The following RPS6KA2 variants were observed in gnomAD, a reference collection of about 807,000 sequenced individuals.
The protein encoded by RPS6KA2 is ribosomal protein S6 kinase A2.
In RPS6KA2, 42 loss-of-function variants were observed where a neutral mutation model predicts 91.8. The ratio of observed to expected loss-of-function variants is 0.46; its 90% CI spans 0.36 to 0.59. The LOEUF (loss-of-function observed/expected upper bound fraction) is 0.59, where lower values mean the gene tolerates loss of function less well. Among genes scored for constraint, RPS6KA2 ranks in the 20% least tolerant of loss-of-function variants. The pLI, the probability that RPS6KA2 is intolerant of heterozygous loss-of-function variation, is 0.00. For synonymous variants in RPS6KA2, 414 were observed against 393.6 expected, an observed-to-expected ratio of 1.05 and a Z score of -0.61; for missense variants, 798 against 978.5, an observed-to-expected ratio of 0.82 and a Z score of 2.46.
intron 8 of RPS6KA2, among the ~76,000 whole-genome samples, chr6:166,497,692 A>G (rs1329454185): frequency 6.6e-6 from 1 of 152,206 alleles, no homozygotes; most frequent in Non-Finnish European, 1.5e-5. Flanking sequence ...CAAGGGGACG[A>G]GGAGTAGGGT....
At chr6:166,640,244 A>G (rs2128549552) in intron 2 of RPS6KA2, among the ~76,000 whole-genome samples, 1 of 152,306 alleles carries the variant, frequency 6.6e-6, no homozygotes, top group Non-Finnish European at 1.5e-5. Flanking sequence ...ATCATAGAAA[A>G]ATTTCTCAAG....
intron 2 of RPS6KA2, among the ~76,000 whole-genome samples, chr6:166,841,166 G>A (rs1036748566): frequency 6.6e-6 from 1 of 152,034 alleles, no homozygotes; most frequent in African/African-American, 2.4e-5. Flanking sequence ...AGGAGGCTGA[G>A]GCAGGAGGAT....
chr6:166,469,506 C>A (rs763353190), intron 11 of RPS6KA2, among the ~76,000 whole-genome samples: 2 of 152,040 alleles, frequency 1.3e-5, no homozygotes, highest in Non-Finnish European at 2.9e-5. Flanking sequence ...ACTCCTGGAG[C>A]AATCGGGAAT....
At chr6:166,777,492 C>T (rs1583106170) in intron 2 of RPS6KA2, among the ~76,000 whole-genome samples, 1 of 152,260 alleles carries the variant, frequency 6.6e-6, no homozygotes, top group East Asian at 1.9e-4. Context: ...CCAGGCAGCG[C>T]CACTCTGCAC....
intron 2 of RPS6KA2, among the ~76,000 whole-genome samples, chr6:166,638,273 C>T (rs1582972499): frequency 6.6e-6 from 1 of 152,382 alleles, no homozygotes; most frequent in East Asian, 1.9e-4. Flanking sequence ...GTCAGGAGCA[C>T]AGCCCGAAAG....
intron 16 of RPS6KA2, among the ~76,000 whole-genome samples, chr6:166,428,888 G>A (rs1228161241): frequency 2.1e-4 from 32 of 150,704 alleles, no homozygotes; most frequent in Non-Finnish European, 4.3e-4. Flanking sequence ...CGATTCCTCA[G>A]GGATCTAGAA....
chr6:166,838,020 G>A (rs113001012), intron 2 of RPS6KA2, among the ~76,000 whole-genome samples: 20 of 152,338 alleles, frequency 1.3e-4, no homozygotes, highest in African/African-American at 4.3e-4. Flanking sequence ...TAAACGCAAC[G>A]CAGGCTCTGC....
intron 2 of RPS6KA2, among the ~76,000 whole-genome samples, chr6:166,762,144 T>C (rs1778190444): frequency 6.6e-6 from 1 of 152,118 alleles, no homozygotes; most frequent in African/African-American, 2.4e-5. Context: ...AGGTACTGGT[T>C]TCACCAAAAG....
chr6:166,635,582 G>A lies in RPS6KA2; in HGVS notation c.124-96798C>T, dbSNP rs1230647116. Among the ~76,000 whole-genome samples the A allele has an allele frequency of 6.6e-6, 1 of 152,252 alleles. No homozygotes were observed. Among genetic ancestry groups the A allele is most frequent in the African/African-American group, 2.4e-5 (1 of 41,462 alleles). On this transcript the variant is annotated intron_variant, in intron 2 of 21. Coordinates refer to the RPS6KA2 transcript ENST00000503859. The surrounding 1 kb of genome is among the most constrained non-coding windows in gnomAD (Gnocchi z 4.8). Reference sequence around the variant, plus strand: ...TCCTGAGGAGGTTCATTTGGCTGCTGTGTGAGGGTGTGTTGGAGTGGGGAC... The same window carrying A: ...TCCTGAGGAGGTTCATTTGGCTGCTATGTGAGGGTGTGTTGGAGTGGGGAC...
At chr6:166,578,343 A>C (rs1353283699) in intron 1 of RPS6KA2, among the ~76,000 whole-genome samples, 1 of 152,084 alleles carries the variant, frequency 6.6e-6, no homozygotes. Flanking sequence ...TGGCCCTAGG[A>C]AGTAGTGGGA....
chr6:166,736,876 C>T (rs1017929750), intron 2 of RPS6KA2, among the ~76,000 whole-genome samples: 3 of 152,128 alleles, frequency 2.0e-5, no homozygotes, highest in African/African-American at 7.2e-5. Flanking sequence ...CACCATCCAG[C>T]TGCCAGTCAT....
At chr6:166,797,767 A>G (rs918489349) in intron 2 of RPS6KA2, among the ~76,000 whole-genome samples, 2 of 152,116 alleles carry the variant, frequency 1.3e-5, no homozygotes, top group African/African-American at 4.8e-5. Flanking sequence ...TCAAGGTTCA[A>G]TGGCAATTAG....
rs188037527 is a variant in RPS6KA2 at position 166,418,977 on chromosome 6, G to A, written c.1821-635C>T. Among the ~76,000 whole-genome samples the A allele has an allele frequency of 3.7e-4, 56 of 152,276 alleles. No homozygotes were observed. Among genetic ancestry groups the A allele is most frequent in the East Asian group, 1.9e-4 (1 of 5,178 alleles). ...TATAGGCAAAGTGAGTATTAGAAGCGTCACAAAGTAACCTGACTGTGGTAT... is the reference window on the plus strand; with the variant it reads ...TATAGGCAAAGTGAGTATTAGAAGCATCACAAAGTAACCTGACTGTGGTAT... On this transcript the variant is annotated intron_variant, in intron 18 of 20. Coordinates refer to ENST00000265678, the MANE Select transcript of RPS6KA2 (RefSeq NM_021135.6). This position sits in a 1 kb window ranked among gnomAD's most constrained non-coding sequence, Gnocchi z 4.9.
intron 2 of RPS6KA2, among the ~76,000 whole-genome samples, chr6:166,804,938 A>C (rs1779453443): frequency 6.6e-6 from 1 of 152,236 alleles, no homozygotes; most frequent in Non-Finnish European, 1.5e-5. Context: ...TAAGTAGTCA[A>C]GGCAGCAGGA....
At chr6:166,720,356 A>G (rs1315499179) in intron 2 of RPS6KA2, among the ~76,000 whole-genome samples, 1 of 152,236 alleles carries the variant, frequency 6.6e-6, no homozygotes, top group Non-Finnish European at 1.5e-5. Flanking sequence ...ACAGGTTTCT[A>G]ATCATTATAA....
intron 1 of RPS6KA2, among the ~76,000 whole-genome samples, chr6:166,601,770 C>T (rs965580147): frequency 2.6e-5 from 4 of 152,186 alleles, no homozygotes; most frequent in South Asian, 4.2e-4. Context: ...AAGACCAAAG[C>T]GTTAAAATTA....
At chr6:166,520,537 T>G (rs1038272781) in intron 3 of RPS6KA2, among the ~76,000 whole-genome samples, 1 of 152,222 alleles carries the variant, frequency 6.6e-6, no homozygotes, top group African/African-American at 2.4e-5. Flanking sequence ...ATCCCGTTGG[T>G]TGTGTTACTC....
At chr6:166,828,227 C>T (rs1392476545) in intron 2 of RPS6KA2, among the ~76,000 whole-genome samples, 1 of 152,192 alleles carries the variant, frequency 6.6e-6, no homozygotes, top group Non-Finnish European at 1.5e-5. Context: ...ACAAAGTGAG[C>T]ACAGAATCAG....
At chr6:166,677,327 C>G (rs868768804) in intron 2 of RPS6KA2, among the ~76,000 whole-genome samples, 22 of 151,268 alleles carry the variant, frequency 1.5e-4, no homozygotes, top group African/African-American at 5.3e-4. Flanking sequence ...ATACCTTCTA[C>G]TGTGTAGTTA....
Sources: gnomAD v4.1 joint callset for allele counts (sites outside exome capture counted in the v4.1 genomes callset) on GRCh38, gnomAD v4.1.1 for gene constraint, Gnocchi (gnomAD v3.1) non-coding constraint, MANE v1.5 for transcripts, NCBI Gene and HGNC (gene_info 2026-07-23, HGNC 2026-07-21) for gene names.